Variants in DGLUCY observed in about 807,000 individuals in gnomAD.
DGLUCY encodes the protein D-glutamate cyclase.
Under a neutral mutation model 58.5 loss-of-function variants are expected in DGLUCY, and 58 were observed. The observed-to-expected ratio is 0.99, with a 90% confidence interval of 0.80 to 1.23. DGLUCY has a LOEUF of 1.23. Among genes scored for constraint, DGLUCY ranks in the 50% most tolerant of loss-of-function variants. The pLI, the probability that DGLUCY is intolerant of heterozygous loss-of-function variation, is 0.00. For missense variants in DGLUCY, 779 were observed against 784.7 expected (o/e 0.99, Z 0.09); for synonymous variants, 325 against 314.1 (o/e 1.03, Z -0.37).
At chr14:91,192,058 T>C (rs142556823) in intron 9 of DGLUCY, among the ~76,000 whole-genome samples, 9 of 152,302 alleles carry the variant, frequency 5.9e-5, no homozygotes, top group African/African-American at 2.2e-4. Context: ...TCAAGAGGTA[T>C]TTGTTCCCTA....
intron 1 of DGLUCY, among the ~76,000 whole-genome samples, chr14:91,156,640 T>G (rs996530910): frequency 2.6e-5 from 4 of 152,240 alleles, no homozygotes; most frequent in Non-Finnish European, 5.9e-5. Flanking sequence ...GGGGCTCCTC[T>G]CTGATATATT....
chr14:91,216,496 T>A (rs1886534861), intron 13 of DGLUCY: 2 of 151,922 alleles, frequency 1.3e-5, no homozygotes, highest in Non-Finnish European at 2.9e-5. Flanking sequence ...ATTTTAAAAT[T>A]AGCTGGGCCT....
At chr14:91,159,632 TA>T (rs2047865703) in intron 2 of DGLUCY, among the ~76,000 whole-genome samples, 1 of 152,194 alleles carries the variant, frequency 6.6e-6, no homozygotes, top group Non-Finnish European at 1.5e-5. Flanking sequence ...AAAGATTGTA[TA>T]AGGCACTGTG....
chr14:91,111,198 A>ATGTGTGTGTGTGTGTG (rs1201886405), upstream of DGLUCY, among the ~76,000 whole-genome samples: 2 of 32,648 alleles, frequency 6.1e-5, no homozygotes, highest in African/African-American at 1.7e-4. Context: ...TTTTATTTAT[A>ATGTGTGTGTGTGTGTG]TATATGTGTG....
At chr14:91,106,244 G>A (rs1488054894), upstream of DGLUCY, among the ~76,000 whole-genome samples, 2 of 151,798 alleles carry the variant, frequency 1.3e-5, no homozygotes, top group Admixed American at 6.6e-5. Context: ...GGAGGTGGAG[G>A]TTACAGTGAG....
At chr14:91,206,141 C>T (rs187659586) in intron 12 of DGLUCY, among the ~76,000 whole-genome samples, 8 of 151,706 alleles carry the variant, frequency 5.3e-5, no homozygotes, top group East Asian at 3.9e-4. Context: ...CTGGGGAAAG[C>T]GAAATACCCA....
chr14:91,212,398 A>G (rs1300181413), intron 12 of DGLUCY, among the ~76,000 whole-genome samples: 1 of 152,196 alleles, frequency 6.6e-6, no homozygotes, highest in Admixed American at 6.5e-5. Flanking sequence ...TCTGTTTCCC[A>G]GTTTTCAAAT....
chr14:91,208,986 C>A (rs1281827643), intron 12 of DGLUCY, among the ~76,000 whole-genome samples: 2 of 152,246 alleles, frequency 1.3e-5, no homozygotes, highest in Non-Finnish European at 1.5e-5. Context: ...ATAAAATACT[C>A]AGTTAAAACC....
chr14:91,169,442 TG>T (rs573851255), intron 4 of DGLUCY, among the ~76,000 whole-genome samples: 60 of 151,974 alleles, frequency 3.9e-4, no homozygotes, highest in African/African-American at 1.4e-3. Context: ...AGTCTCACTC[TG>T]TTGCCCAGGC....
chr14:91,064,013 A>C (rs898841238), intron 1 of DGLUCY, among the ~76,000 whole-genome samples: 1 of 152,232 alleles, frequency 6.6e-6, no homozygotes, highest in Admixed American at 6.5e-5. Flanking sequence ...GAACATTTCT[A>C]TGTTTATATT....
chr14:91,190,509 G>A (rs2049817917), intron 9 of DGLUCY, among the ~76,000 whole-genome samples: 1 of 152,134 alleles, frequency 6.6e-6, no homozygotes. Flanking sequence ...ACTTTACACA[G>A]AATGGCCAGG....
rs1174152732 is a variant in DGLUCY at position 91,189,103 on chromosome 14, C to T, written c.1128C>T (p.Val376=). ...VAFLQALEKE[V]AIIVDQRAWN... Reference sequence around the variant, plus strand: ...TCCTGCAGGCCTTGGAGAAGGAGGTCGCCATAATCGTTGACCAGAGAGCCT... The same window carrying T: ...TCCTGCAGGCCTTGGAGAAGGAGGTTGCCATAATCGTTGACCAGAGAGCCT... The change falls in exon 9 of 14, where the codon GTC becomes GTT. Residue 376 remains valine, a synonymous_variant. Coordinates refer to ENST00000256324, the MANE Select transcript of DGLUCY (RefSeq NM_001102368.3). The T allele has an allele frequency of 1.7e-5, 28 of 1,614,022 alleles. No homozygotes were observed. Among genetic ancestry groups the T allele is most frequent in the Admixed American group, 6.7e-5 (4 of 59,988 alleles).
At position 91,187,802 on chromosome 14, in the gene DGLUCY, G is replaced by A. The variant is rs1265706780; in HGVS notation, c.935-1108G>A. Among the ~76,000 whole-genome samples the A allele has an allele frequency of 2.6e-5, 4 of 152,264 alleles. No individual in the cohort carries two copies. In the East Asian group the frequency reaches 5.8e-4, roughly 22 times the overall value. On this transcript the variant is annotated intron_variant, in intron 8 of 13. Coordinates refer to ENST00000256324, the MANE Select transcript of DGLUCY (RefSeq NM_001102368.3). ...CTTAGAGAATCTCAAGCTGTGCTGA[G>A]CCCCAGTTGCCTTTGAAGTTAACTT... is the stretch of plus-strand genomic sequence containing the variant.
At chr14:91,074,447 C>T (rs148677853) in intron 1 of DGLUCY, among the ~76,000 whole-genome samples, 2 of 151,616 alleles carry the variant, frequency 1.3e-5, no homozygotes, top group Non-Finnish European at 2.9e-5. Context: ...TCTCATTGGA[C>T]TCTAGCCTGG....
At chr14:91,203,712 T>C (rs1346361180) in intron 11 of DGLUCY, among the ~76,000 whole-genome samples, 2 of 151,992 alleles carry the variant, frequency 1.3e-5, no homozygotes, top group Admixed American at 6.6e-5. Flanking sequence ...AGTCTTGCTC[T>C]GTTGCCCAGT....
chr14:91,086,031 G>A (rs1007242940), intron 1 of DGLUCY, among the ~76,000 whole-genome samples: 3 of 152,154 alleles, frequency 2.0e-5, no homozygotes, highest in Non-Finnish European at 4.4e-5. Context: ...CCTCCTGTCA[G>A]CCCCAGTGGT....
At chr14:91,140,880 G>T (rs892173969) in intron 1 of DGLUCY, among the ~76,000 whole-genome samples, 5 of 152,100 alleles carry the variant, frequency 3.3e-5, no homozygotes, top group Non-Finnish European at 7.4e-5. Flanking sequence ...CTCTCTTGCT[G>T]CCCTCTCCTG....
intron 1 of DGLUCY, among the ~76,000 whole-genome samples, chr14:91,077,467 A>G (rs2044043245): frequency 6.6e-6 from 1 of 151,548 alleles, no homozygotes; most frequent in East Asian, 2.0e-4. Context: ...GAAAAAACAA[A>G]AAGAGGCTGG....
rs546842323 is a variant in DGLUCY at position 91,159,359 on chromosome 14, A to T, written c.-29-907A>T. Among the ~76,000 whole-genome samples the T allele has an allele frequency of 3.0e-4, 46 of 152,202 alleles. No homozygotes were observed. In the South Asian group the frequency reaches 4.6e-3, roughly 15 times the overall value. ...ATATTCAGGTGGCTGAGGCATGAGAATCTCTTGAAGCCAGGAGGCGGAAGT... is the reference window on the plus strand; with the variant it reads ...ATATTCAGGTGGCTGAGGCATGAGATTCTCTTGAAGCCAGGAGGCGGAAGT... On this transcript the variant is annotated intron_variant, in intron 2 of 13. Coordinates refer to ENST00000256324, the MANE Select transcript of DGLUCY (RefSeq NM_001102368.3).
Sources: allele counts gnomAD v4.1 joint callset (sites outside exome capture counted in the v4.1 genomes callset), GRCh38; gene constraint gnomAD v4.1.1; transcripts MANE v1.5; gene names NCBI Gene and HGNC (gene_info 2026-07-23, HGNC 2026-07-21).